The following STUB1 variants were observed in gnomAD, a reference collection of about 807,000 sequenced individuals.
STUB1 encodes E3 ubiquitin-protein ligase CHIP.
Under a neutral mutation model 40.3 loss-of-function variants are expected in STUB1, and 37 were observed. The observed-to-expected ratio is 0.92, with a 90% CI of 0.71 to 1.21. The LOEUF is 1.21. Among genes scored for constraint, STUB1 ranks in the 50% most tolerant of loss-of-function variants. The probability of loss-of-function intolerance (pLI) is 0.00; values close to 1 mark genes in which losing one functional copy is unlikely to be tolerated. For synonymous variants in STUB1, 246 were observed against 171.9 expected, an observed-to-expected ratio of 1.43 and a Z score of -3.37; for missense variants, 460 against 421.9, an observed-to-expected ratio of 1.09 and a Z score of -0.79.
chr16:682,142 G>T, intron 5 of STUB1, 23 bp from the exon 6 acceptor site: 2 of 1,595,714 alleles, frequency 1.3e-6, no homozygotes, highest in South Asian at 2.2e-5. Context: ...TTCAGCCTCT[G>T]ACCGTGTGCC....
At position 681,601 on chromosome 16, in the gene STUB1, G is replaced by GA; in HGVS notation, c.523dup (p.Arg175LysfsTer13). On this transcript the variant is annotated frameshift_variant and splice_region_variant, in exon 3 of 7. Coordinates refer to ENST00000219548, the MANE Select transcript of STUB1 (RefSeq NM_005861.4). LOFTEE classifies it high-confidence loss of function. ...CCAGGCTCATTGCCGCGGAGCGTGA[G>GA]AGGTGGGACCCTCACCCCAGGCCGC... 1 of 1,606,814 alleles carries GA rather than the reference G, an allele frequency of 6.2e-7. No individual in the cohort carries two copies. The highest frequency in any genetic ancestry group is 1.3e-5 in the African/African-American group (1 of 74,952).
Position 681,502 on chromosome 16 carries a change from C to G in STUB1, c.423C>G (p.Ile141Met). The change falls in exon 3 of 7, where the codon ATC (isoleucine) becomes ATG (methionine). Residue 141 changes from isoleucine (I) to methionine (M), a missense_variant. By Grantham distance (10) the Ile-to-Met change is conservative. Transcript: ENST00000219548. The part of the protein sequence containing the change: ...FGDDIPSALR[I>M]AKKKRWNSIE... Reference sequence around the variant, plus strand: ...ACGACATCCCCAGCGCTCTTCGAATCGCGAAGAAGAAGCGCTGGAACAGCA... The same window carrying G: ...ACGACATCCCCAGCGCTCTTCGAATGGCGAAGAAGAAGCGCTGGAACAGCA... The G allele has an allele frequency of 1.2e-6, 2 of 1,612,502 alleles. No individual in the cohort carries two copies. The highest frequency in any genetic ancestry group is 1.7e-5 in the Admixed American group (1 of 60,004).
intron 4 of STUB1, 27 bp from the exon 5 acceptor site, chr16:681,993 C>T: frequency 4.3e-6 from 7 of 1,611,916 alleles, no homozygotes; most frequent in Non-Finnish European, 5.9e-6. Flanking sequence ...GGTGTCTCCC[C>T]CAAGCACAGC....
rs367972831 is a variant in STUB1 at position 681,787 on chromosome 16, C to A, written c.525-6C>A. ...CATCTCTGACCGGCTCCTGGTCAACCCCCAGGGAGCTGGAAGAGTGCCAGC... is the reference window on the plus strand; with the variant it reads ...CATCTCTGACCGGCTCCTGGTCAACACCCAGGGAGCTGGAAGAGTGCCAGC... On this transcript the variant is annotated splice_polypyrimidine_tract_variant and splice_region_variant and intron_variant, in intron 3 of 6. Coordinates refer to ENST00000219548, the MANE Select transcript of STUB1 (RefSeq NM_005861.4). 91 of 1,591,742 alleles carry A rather than the reference C, an allele frequency of 5.7e-5. No homozygotes were observed. The highest frequency in any genetic ancestry group is 7.6e-5 in the Non-Finnish European group (89 of 1,165,498).
chr16:680,779 G>A lies in STUB1; in HGVS notation c.159+95G>A. 5.5e-6 allele frequency: 6 copies of A among 1,087,176 alleles called. No individual in the cohort carries two copies. The highest frequency in any genetic ancestry group is 6.9e-6 in the Non-Finnish European group (6 of 868,946). The allele number at this position is 1,087,176 out of a possible 1,614,324, so 67.3% of individuals were successfully genotyped here. On this transcript the variant is annotated intron_variant, in intron 1 of 6. Transcript: ENST00000219548. The surrounding 1 kb of genome is among the most constrained non-coding windows in gnomAD (Gnocchi z 4.9). ...CCCACCGAGGGTCTGGCTCCTCTTC[G>A]GGGCGTGTCCTCGGCTCCCAAAGCC...
Position 681,820 on chromosome 16 carries a change from C to G in STUB1, c.552C>G (p.His184Gln). 8 of 1,606,970 alleles carry G rather than the reference C, an allele frequency of 5.0e-6. No homozygotes were observed. The highest frequency in any genetic ancestry group is 1.1e-5 in the South Asian group (1 of 90,742). ...ERELEECQRNHEGDEDDSHVR... is the reference protein window; with the variant it reads ...ERELEECQRNQEGDEDDSHVR... ...AGCTGGAAGAGTGCCAGCGAAACCA[C>G]GAGGGTGATGAGGACGACAGCCACG... is the stretch of plus-strand genomic sequence containing the variant. The change falls in exon 4 of 7, where the codon CAC becomes CAG. Residue 184 changes from histidine (H) to glutamine (Q), a missense_variant. Transcript: ENST00000219548.
intron 2 of STUB1, 43 bp from the exon 3 acceptor site, chr16:681,395 G>T (rs764540881): frequency 1.9e-6 from 3 of 1,611,200 alleles, no homozygotes; most frequent in Non-Finnish European, 2.5e-6. Context: ...GGGGCCAGGC[G>T]GGTGGACTGG....
rs781465330 is a variant in STUB1 at position 682,516 on chromosome 16, G to A, written c.*27G>A. Reference sequence around the variant, plus strand: ...GTTCCCTGCCCTACCTGGCGTCCTGGTCCAGGGGAGCCCTGGGCAGAAGCC... The same window carrying A: ...GTTCCCTGCCCTACCTGGCGTCCTGATCCAGGGGAGCCCTGGGCAGAAGCC... On this transcript the variant is annotated 3_prime_UTR_variant, in exon 7 of 7. Transcript: ENST00000219548. 1.9e-6 allele frequency: 3 copies of A among 1,612,468 alleles called. No homozygotes were observed. Among genetic ancestry groups the A allele is most frequent in the Non-Finnish European group, 2.5e-6 (3 of 1,179,688 alleles).
Position 681,468 on chromosome 16 carries a change from A to C in STUB1, c.389A>C (p.Asn130Thr). Residue 130 changes from asparagine (N) to threonine (T), a missense_variant, in exon 3 of 7, where the codon AAC becomes ACC. By Grantham distance (65) the Asn-to-Thr change is moderately conservative. Coordinates refer to ENST00000219548, the MANE Select transcript of STUB1 (RefSeq NM_005861.4). ...AYSLAKEQRL[N>T]FGDDIPSALR... Reference sequence around the variant, plus strand: ...AGCCTGGCCAAGGAGCAGCGGCTGAACTTCGGGGACGACATCCCCAGCGCT... The same window carrying C: ...AGCCTGGCCAAGGAGCAGCGGCTGACCTTCGGGGACGACATCCCCAGCGCT... The C allele has an allele frequency of 6.2e-7, 1 of 1,612,660 alleles. No homozygotes were observed. The highest frequency in any genetic ancestry group is 8.5e-7 in the Non-Finnish European group (1 of 1,179,834).
At chr16:682,310 C>T (rs1304720676) in intron 6 of STUB1, 29 bp downstream of exon 6, 1 of 1,612,844 alleles carries the variant, frequency 6.2e-7, no homozygotes, top group Non-Finnish European at 8.5e-7. Flanking sequence ...GGAGCAGGGC[C>T]AGTGGCATGG....
At position 682,774 on chromosome 16, in the gene STUB1, A is replaced by G. The variant is rs2039727978; in HGVS notation, c.*285A>G. 1.9e-6 allele frequency: 3 copies of G among 1,612,200 alleles called. No individual in the cohort carries two copies. The Admixed American group carries it at 5.0e-5, about 27-fold the overall frequency. On this transcript the variant is annotated 3_prime_UTR_variant, in exon 7 of 7. Coordinates refer to ENST00000219548, the MANE Select transcript of STUB1 (RefSeq NM_005861.4). The stretch of plus-strand genomic sequence containing the variant: ...TGGGACGTGCTGGTGTGTGACCGGC[A>G]GTCCTGCCAGCTGTTTTGGCTAGCC...
Position 681,849 on chromosome 16 carries a change from G to A in STUB1, c.581G>A (p.Arg194Gln), listed in dbSNP as rs377648766. 3.7e-5 allele frequency: 60 copies of A among 1,611,790 alleles called. No homozygotes were observed. Among genetic ancestry groups the A allele is most frequent in the South Asian group, 3.3e-4 (30 of 91,032 alleles). ...HEGDEDDSHV[R>Q]AQQACIEAKH... ...GGTGATGAGGACGACAGCCACGTCC[G>A]GGCCCAGCAGGCCTGCATTGAGGCC... The change falls in exon 4 of 7, where the codon CGG becomes CAG. Residue 194 changes from arginine to glutamine, a missense_variant. Coordinates refer to ENST00000219548, the MANE Select transcript of STUB1 (RefSeq NM_005861.4).
At position 682,565 on chromosome 16, in the gene STUB1, G is replaced by A; in HGVS notation, c.*76G>A. On this transcript the variant is annotated 3_prime_UTR_variant, in exon 7 of 7. Coordinates refer to ENST00000219548, the MANE Select transcript of STUB1 (RefSeq NM_005861.4). ...CCCCCGGCCCCTATACATAGTTTAT[G>A]TTCCTGGCCACCCCGACCGCTTCCC... 3.8e-6 allele frequency: 6 copies of A among 1,588,358 alleles called. No homozygotes were observed. Among genetic ancestry groups the A allele is most frequent in the Non-Finnish European group, 4.3e-6 (5 of 1,164,294 alleles).
intron 2 of STUB1, 37 bp downstream of exon 2, chr16:681,387 G>A (rs373223969): frequency 2.0e-5 from 33 of 1,611,352 alleles, no homozygotes; most frequent in Non-Finnish European, 2.8e-5. Context: ...GGGCCTCTGG[G>A]GCCAGGCGGG....
chr16:681,033 C>A lies in STUB1; in HGVS notation c.160-119C>A, dbSNP rs2039641925. 7 of 1,070,864 alleles carry A rather than the reference C, an allele frequency of 6.5e-6. No homozygotes were observed. The South Asian group carries it at 8.1e-5, about 12-fold the overall frequency. 66.3% of individuals were successfully genotyped at this position (1,070,864 alleles called of 1,614,324 possible). ...AGATCCTTGGACCCAGGGGCTTTGA[C>A]AACTGAGAAACCTAGTTTCTTGATT... On this transcript the variant is annotated intron_variant, in intron 1 of 6. Coordinates refer to ENST00000219548, the MANE Select transcript of STUB1 (RefSeq NM_005861.4).
chr16:682,112 G>A (rs568012319), intron 5 of STUB1, 36 bp downstream of exon 5: 4 of 1,584,768 alleles, frequency 2.5e-6, no homozygotes, highest in South Asian at 1.1e-5. Flanking sequence ...TGGCTGGCAG[G>A]TGCTCGTGCA....
Position 682,691 on chromosome 16 carries a change from G to C in STUB1, c.*202G>C. ...GTGGGCTGGAAAAGCAGGTGAGGGT[G>C]GGCTGGGCTGAGGCCATTGCCGCCA... On this transcript the variant is annotated 3_prime_UTR_variant, in exon 7 of 7. Transcript: ENST00000219548. The C allele has an allele frequency of 6.9e-7, 1 of 1,448,088 alleles. No individual in the cohort carries two copies. The highest frequency in any genetic ancestry group is 9.5e-7 in the Non-Finnish European group (1 of 1,056,848). 89.7% of individuals were successfully genotyped at this position (1,448,088 alleles called of 1,614,324 possible). A position where few individuals can be genotyped will look rare whatever the true frequency, so the allele number is the denominator to read the frequency against.
chr16:680,437 C>CGGGCTCGGGCTGCG lies in STUB1; in HGVS notation c.-82_-69dup, dbSNP rs1313423237. 10 of 1,108,388 alleles carry CGGGCTCGGGCTGCG rather than the reference C, an allele frequency of 9.0e-6. No individual in the cohort carries two copies. Among genetic ancestry groups the CGGGCTCGGGCTGCG allele is most frequent in the African/African-American group, 1.7e-5 (1 of 60,210 alleles). The allele number at this position is 1,108,388 out of a possible 1,614,324, so 68.7% of individuals were successfully genotyped here. On this transcript the variant is annotated 5_prime_UTR_variant, in exon 1 of 7. Coordinates refer to ENST00000219548, the MANE Select transcript of STUB1 (RefSeq NM_005861.4). This position sits in a 1 kb window ranked among gnomAD's most constrained non-coding sequence, Gnocchi z 4.9. ...AGCTGGGCCGGGCCCGAGCGGATCG[C>CGGGCTCGGGCTGCG]GGGCTCGGGCTGCGGGGCTCCGGCT...
rs2039702906 is a variant in STUB1, at chr16:682,358, C to T, written c.787-6C>T. 6.2e-7 allele frequency: 1 copy of T among 1,613,170 alleles called. No individual in the cohort carries two copies. The highest frequency in any genetic ancestry group is 8.5e-7 in the Non-Finnish European group (1 of 1,179,986). ...TGACTGCCCTCTGCCCTTCTTGTCA[C>T]TGCAGCGTGTGGGTCATTTTGACCC... On this transcript the variant is annotated splice_region_variant and splice_polypyrimidine_tract_variant and intron_variant, in intron 6 of 6. Coordinates refer to ENST00000219548, the MANE Select transcript of STUB1 (RefSeq NM_005861.4).
Sources: allele counts gnomAD v4.1 joint callset, GRCh38; gene constraint gnomAD v4.1.1; non-coding constraint Gnocchi (gnomAD v3.1); transcripts MANE v1.5; gene names NCBI Gene and HGNC (gene_info 2026-07-23, HGNC 2026-07-21).